The following SPTLC3 variants were observed in gnomAD, a reference collection of about 807,000 sequenced individuals.
SPTLC3 encodes serine palmitoyltransferase 3.
In SPTLC3, 36 loss-of-function variants were observed where a neutral mutation model predicts 59.3. The observed-to-expected ratio is 0.61, with a 90% CI of 0.47 to 0.80. SPTLC3 has a LOEUF of 0.80. Among genes scored for constraint, SPTLC3 ranks in the 30% least tolerant of loss-of-function variants. SPTLC3 has a pLI of 0.00. For missense variants in SPTLC3, 625 were observed against 685.1 expected (o/e 0.91, Z 0.98); for synonymous variants, 257 against 240.8 (o/e 1.07, Z -0.62).
chr20:13,109,177 G>A (rs1430672844), intron 6 of SPTLC3, among the ~76,000 whole-genome samples: 1 of 152,160 alleles, frequency 6.6e-6, no homozygotes, highest in Non-Finnish European at 1.5e-5. Flanking sequence ...ATCAACCTCT[G>A]ATAGCAGATA....
At chr20:13,137,784 T>C (rs1374064234) in intron 9 of SPTLC3, among the ~76,000 whole-genome samples, 1 of 152,182 alleles carries the variant, frequency 6.6e-6, no homozygotes, top group Non-Finnish European at 1.5e-5. Flanking sequence ...ATCCAGGCCT[T>C]CCGTGATTTC....
chr20:13,036,254 A>G (rs1399662080), intron 1 of SPTLC3, among the ~76,000 whole-genome samples: 1 of 152,012 alleles, frequency 6.6e-6, no homozygotes, highest in African/African-American at 2.4e-5. Context: ...TTTTTTTTCA[A>G]TAGAAGTTAC....
chr20:13,055,395 T>C (rs913917443), intron 2 of SPTLC3, among the ~76,000 whole-genome samples: 1 of 152,082 alleles, frequency 6.6e-6, no homozygotes, highest in African/African-American at 2.4e-5. Flanking sequence ...CTCACAGTGA[T>C]CTCCATGGCC....
At chr20:13,046,199 T>C (rs1265827050) in intron 1 of SPTLC3, among the ~76,000 whole-genome samples, 3 of 152,162 alleles carry the variant, frequency 2.0e-5, no homozygotes, top group Admixed American at 2.0e-4. Context: ...CTTCCCTCTT[T>C]ATGATTTGTA....
chr20:13,101,006 C>A lies in SPTLC3; in HGVS notation c.826+7429C>A, dbSNP rs534634309. Among the ~76,000 whole-genome samples the A allele has an allele frequency of 1.6e-3, 216 of 131,544 alleles. 1 individual carries two copies. The highest frequency in any genetic ancestry group is 2.4e-3 in the Non-Finnish European group (138 of 57,062). 86.3% of individuals were successfully genotyped at this position (131,544 alleles called of 152,430 possible). A position where few individuals can be genotyped will look rare whatever the true frequency, so the allele number is the denominator to read the frequency against. ...GGGCACAGGAAGCACCAGTAGGTGA[C>A]CAGGGCACAGGAAGGCAGCCAACAT... On this transcript the variant is annotated intron_variant, in intron 6 of 11. Coordinates refer to ENST00000399002, the MANE Select transcript of SPTLC3 (RefSeq NM_018327.4).
rs377690215 is a variant in SPTLC3, at chr20:13,076,486, C to T, written c.607+1989C>T. On this transcript the variant is annotated intron_variant, in intron 4 of 11. Transcript: ENST00000399002. Reference sequence around the variant, plus strand: ...ATATTTAATCACTAAAAAATAACTCCTCAGAGCTTTTAAAAATAGTTTTCA... The same window carrying T: ...ATATTTAATCACTAAAAAATAACTCTTCAGAGCTTTTAAAAATAGTTTTCA... 6.6e-5 allele frequency among the ~76,000 whole-genome samples: 10 copies of T among 152,008 alleles called. No individual in the cohort carries two copies. In the East Asian group the frequency reaches 1.7e-3, roughly 27 times the overall value.
chr20:13,063,096 A>G (rs1049350416), intron 2 of SPTLC3, among the ~76,000 whole-genome samples: 10 of 152,220 alleles, frequency 6.6e-5, no homozygotes, highest in Non-Finnish European at 1.0e-4. Context: ...GATTATTATC[A>G]ACATTTAAAA....
At chr20:13,113,036 AGCCAGG>A (rs1990328657) in intron 7 of SPTLC3, among the ~76,000 whole-genome samples, 2 of 152,116 alleles carry the variant, frequency 1.3e-5, no homozygotes, top group Admixed American at 1.3e-4. Context: ...GACAAAAATT[AGCCAGG>A]TGTGGTGGTG....
At chr20:13,114,190 T>A (rs1990404507) in intron 7 of SPTLC3, among the ~76,000 whole-genome samples, 1 of 152,234 alleles carries the variant, frequency 6.6e-6, no homozygotes, top group Non-Finnish European at 1.5e-5. Flanking sequence ...CTCAGTTTCT[T>A]CATCTGTAAC....
At chr20:13,078,782 G>T (rs1988737350) in intron 4 of SPTLC3, among the ~76,000 whole-genome samples, 1 of 152,132 alleles carries the variant, frequency 6.6e-6, no homozygotes, top group African/African-American at 2.4e-5. Flanking sequence ...GACTTGTGGA[G>T]GGGCTGTTCT....
Position 13,059,168 on chromosome 20 carries a change from T to G in SPTLC3, c.303+10038T>G, listed in dbSNP as rs561242102. Among the ~76,000 whole-genome samples the G allele has an allele frequency of 6.6e-5, 10 of 152,300 alleles. No homozygotes were observed. In the South Asian group the frequency reaches 1.7e-3, roughly 25 times the overall value. On this transcript the variant is annotated intron_variant, in intron 2 of 11. Transcript: ENST00000399002. ...ACATATCTCCCCTTTAATCTCAGAG[T>G]TAAATTCAAAAAACTACATGACTGC... is the stretch of plus-strand genomic sequence containing the variant.
intron 6 of SPTLC3, among the ~76,000 whole-genome samples, chr20:13,106,000 T>G (rs1484989454): frequency 6.6e-6 from 1 of 152,148 alleles, no homozygotes; most frequent in East Asian, 1.9e-4. Flanking sequence ...AACTGAAAAT[T>G]TCAAAACAAG....
chr20:13,013,267 G>GCTA (rs889399016), intron 1 of SPTLC3, among the ~76,000 whole-genome samples: 11 of 152,176 alleles, frequency 7.2e-5, no homozygotes, highest in African/African-American at 2.7e-4. Flanking sequence ...TCCTGGTAGA[G>GCTA]CTACTCTTCT....
chr20:13,106,594 A>G (rs533243936), intron 6 of SPTLC3, among the ~76,000 whole-genome samples: 6 of 152,286 alleles, frequency 3.9e-5, no homozygotes, highest in East Asian at 1.9e-4. Flanking sequence ...GGCAGAGGCT[A>G]TATCAGGAAG....
At chr20:13,077,612 CA>C (rs1988692302) in intron 4 of SPTLC3, among the ~76,000 whole-genome samples, 1 of 151,952 alleles carries the variant, frequency 6.6e-6, no homozygotes, top group Non-Finnish European at 1.5e-5. Flanking sequence ...TAGTTGTGTA[CA>C]TAGAGGAAAA....
intron 6 of SPTLC3, among the ~76,000 whole-genome samples, chr20:13,101,385 T>G (rs1166142504): frequency 6.6e-6 from 1 of 152,238 alleles, no homozygotes; most frequent in Non-Finnish European, 1.5e-5. Context: ...CTATGGTCCC[T>G]TGTGTAAAAC....
At chr20:13,039,085 T>C (rs1986862212) in intron 1 of SPTLC3, among the ~76,000 whole-genome samples, 1 of 152,096 alleles carries the variant, frequency 6.6e-6, no homozygotes, top group Non-Finnish European at 1.5e-5. Context: ...TTTAGAAAAA[T>C]GTGTATTTTG....
At chr20:13,079,792 G>T in intron 4 of SPTLC3, 1 of 468,896 alleles carries the variant, frequency 2.1e-6, no homozygotes, top group African/African-American at 2.0e-5. Flanking sequence ...GTGTGGGAGG[G>T]GTCTTGCAAG....
chr20:13,138,197 T>G (rs1463160595), intron 9 of SPTLC3, among the ~76,000 whole-genome samples: 1 of 152,198 alleles, frequency 6.6e-6, no homozygotes, highest in Non-Finnish European at 1.5e-5. Context: ...AGAATACAAG[T>G]GCCATGAGGG....
Sources: gnomAD v4.1 joint callset for allele counts (sites outside exome capture counted in the v4.1 genomes callset) on GRCh38, gnomAD v4.1.1 for gene constraint, MANE v1.5 for transcripts, NCBI Gene and HGNC (gene_info 2026-07-23, HGNC 2026-07-21) for gene names.